The following RNF111 variants were observed in gnomAD, a reference collection of about 807,000 sequenced individuals.
RNF111 encodes the protein ring finger protein 111, also known as E3 ubiquitin-protein ligase Arkadia.
Under a neutral mutation model 95.1 loss-of-function variants are expected in RNF111, and 17 were observed. That is an observed-to-expected ratio of 0.18 (90% CI 0.12 to 0.27). RNF111 has a LOEUF of 0.27. Ranked by LOEUF, RNF111 falls within the 10% of genes least tolerant of loss-of-function variation. The pLI is 1.00. For missense variants in RNF111, 1,189 were observed against 1,210.4 expected (o/e 0.98, Z 0.26); for synonymous variants, 440 against 414.8 (o/e 1.06, Z -0.74).
rs201470570 is a variant in RNF111, at chr15:59,060,807, A to ATTTT, written c.1366+2265_1366+2268dup. Among the ~76,000 whole-genome samples the ATTTT allele has an allele frequency of 1.2e-3, 172 of 144,302 alleles. 1 individual carries two copies. The highest frequency in any genetic ancestry group is 3.5e-3 in the African/African-American group (134 of 38,808). 94.7% of individuals were successfully genotyped at this position (144,302 alleles called of 152,430 possible). A position where few individuals can be genotyped will look rare whatever the true frequency, so the allele number is the denominator to read the frequency against. The stretch of plus-strand genomic sequence containing the variant: ...TAGCATTATTATTATTATTATTATT[A>ATTTT]TTTTTTTTTTTGTGAGACAGGTCTG... On this transcript the variant is annotated intron_variant, in intron 5 of 13. Transcript: ENST00000348370.
intron 5 of RNF111, among the ~76,000 whole-genome samples, chr15:59,059,380 G>T (rs1386535697): frequency 6.6e-6 from 1 of 152,198 alleles, no homozygotes; most frequent in Non-Finnish European, 1.5e-5. Context: ...AGGATGTAGA[G>T]AAATTGGAAC....
chr15:59,031,565 C>T lies in RNF111; in HGVS notation c.743C>T (p.Ala248Val). 1 of 1,614,128 alleles carries T rather than the reference C, an allele frequency of 6.2e-7. No homozygotes were observed. Among genetic ancestry groups the T allele is most frequent in the Non-Finnish European group, 8.5e-7 (1 of 1,180,014 alleles). Residue 248 changes from alanine to valine, a missense_variant, in exon 2 of 14, where the codon GCC becomes GTC. Ala to Val is a moderately conservative substitution (Grantham distance 64). This residue lies in a region of RNF111 where 1,024 missense variants were observed against 925.9 expected (regional missense o/e 1.11). Transcript: ENST00000348370. ...KREVLARRKY[A>V]LLPSSSSSSE... ...GAAGTGTTAGCTCGAAGAAAATATG[C>T]CTTGCTACCTAGTTCTAGTAGTTCC...
chr15:59,005,702 G>T (rs2039511198), intron 1 of RNF111, among the ~76,000 whole-genome samples: 1 of 152,132 alleles, frequency 6.6e-6, no homozygotes, highest in Non-Finnish European at 1.5e-5. Context: ...TGTATATGTG[G>T]TGATCGTGGG....
At chr15:59,069,921 C>G (rs1288091483) in intron 6 of RNF111, among the ~76,000 whole-genome samples, 4 of 151,180 alleles carry the variant, frequency 2.6e-5, no homozygotes, top group African/African-American at 9.7e-5. Flanking sequence ...CGAGAAGATG[C>G]AGTAGTCATG....
At chr15:59,094,665 G>A (rs2054777292) in intron 13 of RNF111, 118 bp from the exon 14 acceptor site, 3 of 629,788 alleles carry the variant, frequency 4.8e-6, no homozygotes, top group Non-Finnish European at 8.5e-6. Context: ...GTTTTTTATA[G>A]AAGAGGAAGA....
intron 1 of RNF111, among the ~76,000 whole-genome samples, chr15:59,002,963 C>T (rs528341221): frequency 3.7e-4 from 57 of 152,206 alleles, no homozygotes; most frequent in African/African-American, 1.2e-3. Flanking sequence ...TGATGGTCAA[C>T]CTTTACATTT....
chr15:58,994,719 C>G (rs1455260710), intron 1 of RNF111, among the ~76,000 whole-genome samples: 1 of 152,040 alleles, frequency 6.6e-6, no homozygotes, highest in Non-Finnish European at 1.5e-5. Flanking sequence ...TTTAAGTGAT[C>G]AGCCTACTTC....
At chr15:58,994,958 A>T (rs1474204548) in intron 1 of RNF111, among the ~76,000 whole-genome samples, 2 of 152,218 alleles carry the variant, frequency 1.3e-5, no homozygotes, top group Admixed American at 6.5e-5. Flanking sequence ...GTTTTGTCGA[A>T]TTGTCCTGAT....
At chr15:59,006,087 A>G (rs1459954162) in intron 1 of RNF111, among the ~76,000 whole-genome samples, 3 of 152,210 alleles carry the variant, frequency 2.0e-5, no homozygotes, top group Non-Finnish European at 4.4e-5. Context: ...CATTGTCAAG[A>G]GAAGGAAAGG....
intron 2 of RNF111, among the ~76,000 whole-genome samples, chr15:59,036,400 C>G (rs1293568456): frequency 6.6e-6 from 1 of 152,146 alleles, no homozygotes; most frequent in Non-Finnish European, 1.5e-5. Flanking sequence ...TTAATTGACT[C>G]ACAGTTCCAC....
rs578061708 is a variant in RNF111 at position 59,032,543 on chromosome 15, C to T, written c.880+841C>T. 1.9e-4 allele frequency among the ~76,000 whole-genome samples: 29 copies of T among 152,218 alleles called. 1 individual carries two copies. The highest frequency in any genetic ancestry group is 1.8e-3 in the Admixed American group (28 of 15,276). ...CTGAAGCCGTCCTCCCACGTCAGCG[C>T]CTCAAGTAGCTGGGACTACAGGCCC... On this transcript the variant is annotated intron_variant, in intron 2 of 13. Coordinates refer to ENST00000348370, the MANE Select transcript of RNF111 (RefSeq NM_017610.8).
At chr15:59,062,391 G>A (rs1465859671) in intron 5 of RNF111, among the ~76,000 whole-genome samples, 2 of 152,050 alleles carry the variant, frequency 1.3e-5, no homozygotes, top group African/African-American at 2.4e-5. Context: ...CTCCTGGACC[G>A]TTCTGCAGTC....
chr15:58,997,967 C>T (rs375807718), intron 1 of RNF111, among the ~76,000 whole-genome samples: 8 of 151,448 alleles, frequency 5.3e-5, no homozygotes, highest in Admixed American at 2.0e-4. Flanking sequence ...TGCAGTGGGG[C>T]GATCCTGGCT....
At chr15:58,992,381 A>C (rs1456750012) in intron 1 of RNF111, among the ~76,000 whole-genome samples, 1 of 152,132 alleles carries the variant, frequency 6.6e-6, no homozygotes, top group Non-Finnish European at 1.5e-5. Flanking sequence ...GATAAAAACC[A>C]AAAAATGTGG....
chr15:59,031,966 T>C (rs1255773501), intron 2 of RNF111, among the ~76,000 whole-genome samples: 1 of 151,666 alleles, frequency 6.6e-6, no homozygotes, highest in East Asian at 1.9e-4. Context: ...TGAAACAGAG[T>C]CTCACTTTGT....
intron 2 of RNF111, chr15:59,049,448 T>TA: frequency 4.6e-6 from 1 of 216,304 alleles, no homozygotes; most frequent in African/African-American, 2.3e-5. Flanking sequence ...CTCCTGTCCA[T>TA]TGGTTCTCAC....
chr15:59,089,212 A>G (rs781423620), intron 10 of RNF111, among the ~76,000 whole-genome samples: 1 of 152,262 alleles, frequency 6.6e-6, no homozygotes, highest in South Asian at 2.1e-4. Context: ...GATTGACTGT[A>G]ACTAACAAAA....
chr15:59,070,569 C>T (rs2042873792), intron 6 of RNF111, among the ~76,000 whole-genome samples: 1 of 152,172 alleles, frequency 6.6e-6, no homozygotes, highest in South Asian at 2.1e-4. Flanking sequence ...TGAAGACATA[C>T]ATTGTATTTG....
chr15:59,059,726 T>G (rs1370578113), intron 5 of RNF111, among the ~76,000 whole-genome samples: 5 of 152,184 alleles, frequency 3.3e-5, no homozygotes, highest in African/African-American at 4.8e-5. Flanking sequence ...TATCTCTGGC[T>G]CTCTCTTATA....
Sources: gnomAD v4.1 joint callset for allele counts (sites outside exome capture counted in the v4.1 genomes callset) on GRCh38, gnomAD v4.1.1 for gene constraint, gnomAD v4.1.1 regional missense constraint, MANE v1.5 for transcripts, NCBI Gene and HGNC (gene_info 2026-07-23, HGNC 2026-07-21) for gene names.